Variants in PIK3C2G observed in about 807,000 individuals in gnomAD.
PIK3C2G encodes phosphatidylinositol 3-kinase C2 domain-containing subunit gamma.
Under a neutral mutation model 181.1 loss-of-function variants are expected in PIK3C2G, and 168 were observed. That is an observed-to-expected ratio of 0.93 (90% CI 0.82 to 1.05). The LOEUF (loss-of-function observed/expected upper bound fraction) is 1.05, where lower values mean the gene tolerates loss of function less well. Among genes scored for constraint, PIK3C2G ranks in the 50% least tolerant of loss-of-function variants. The pLI is 0.00. For missense variants in PIK3C2G, 1,869 were observed against 1,732.8 expected, an observed-to-expected ratio of 1.08 and a Z score of -1.40; for synonymous variants, 573 against 592.2, an observed-to-expected ratio of 0.97 and a Z score of 0.47.
At chr12:18,479,986 G>A (rs1455311088) in intron 18 of PIK3C2G, among the ~76,000 whole-genome samples, 1 of 152,172 alleles carries the variant, frequency 6.6e-6, no homozygotes, top group Non-Finnish European at 1.5e-5. Context: ...TTCAGCTGGA[G>A]TGGGAAGGAC....
At chr12:18,314,896 T>C (rs895910383) in intron 6 of PIK3C2G, among the ~76,000 whole-genome samples, 2 of 152,224 alleles carry the variant, frequency 1.3e-5, no homozygotes, top group Non-Finnish European at 1.5e-5. Context: ...TTTCATAATA[T>C]ATATAATAAA....
chr12:18,363,009 G>T, intron 12 of PIK3C2G, 123 bp downstream of exon 12: 1 of 676,400 alleles, frequency 1.5e-6, no homozygotes, highest in South Asian at 2.2e-5. Flanking sequence ...TGATTCAGTG[G>T]TATGATAAGT....
At chr12:18,353,335 T>A (rs769803807) in intron 11 of PIK3C2G, among the ~76,000 whole-genome samples, 2 of 152,002 alleles carry the variant, frequency 1.3e-5, no homozygotes, top group Non-Finnish European at 2.9e-5. Context: ...AGCCCAAGTT[T>A]TACAAGGTTA....
intron 1 of PIK3C2G, among the ~76,000 whole-genome samples, chr12:18,265,839 C>T (rs112807896): frequency 0.019 from 2,814 of 151,668 alleles, 96 homozygotes; most frequent in African/African-American, 0.064. Flanking sequence ...CATGATGAAA[C>T]CTCATCTCTA....
the PIK3C2G span, among the ~76,000 whole-genome samples, chr12:18,687,082 C>T: frequency 6.6e-6 from 1 of 152,038 alleles, no homozygotes; most frequent in Admixed American, 6.6e-5. Context: ...AGCAATGTGC[C>T]TTCAACTCTA....
At chr12:18,725,039 G>A in the PIK3C2G span, among the ~76,000 whole-genome samples, 1 of 152,062 alleles carries the variant, frequency 6.6e-6, no homozygotes, top group Non-Finnish European at 1.5e-5. Context: ...AAGAATTGGA[G>A]ATATAAGTCC....
At chr12:18,681,463 C>T in the PIK3C2G span, among the ~76,000 whole-genome samples, 5 of 152,176 alleles carry the variant, frequency 3.3e-5, no homozygotes, top group East Asian at 9.7e-4. Context: ...CTTCTCACAA[C>T]ATTCCCAACC....
chr12:18,608,063 G>A (rs547687138), intron 30 of PIK3C2G, among the ~76,000 whole-genome samples: 1 of 152,046 alleles, frequency 6.6e-6, no homozygotes, highest in Non-Finnish European at 1.5e-5. Context: ...AGGATGTGGA[G>A]GATGTGGAGG....
At chr12:18,398,966 C>A (rs1030258524) in intron 15 of PIK3C2G, among the ~76,000 whole-genome samples, 5 of 151,830 alleles carry the variant, frequency 3.3e-5, no homozygotes. Context: ...GAGGCCGAGG[C>A]GGGCGGATCA....
chr12:18,685,448 T>C, the PIK3C2G span: 1 of 205,326 alleles, frequency 4.9e-6, no homozygotes. Context: ...ACAAAGGCAA[T>C]GCTACACTTG....
chr12:18,596,409 C>A (rs79720165), intron 30 of PIK3C2G, among the ~76,000 whole-genome samples: 1 of 152,042 alleles, frequency 6.6e-6, no homozygotes, highest in Non-Finnish European at 1.5e-5. Context: ...AGTGTATATT[C>A]TTTAACTCTC....
chr12:18,327,768 G>C (rs1951413334), intron 8 of PIK3C2G, among the ~76,000 whole-genome samples: 1 of 151,840 alleles, frequency 6.6e-6, no homozygotes, highest in African/African-American at 2.4e-5. Context: ...TCCCCCCCAA[G>C]GTATCACTGA....
intron 1 of PIK3C2G, among the ~76,000 whole-genome samples, chr12:18,281,372 G>C (rs923223993): frequency 1.3e-5 from 2 of 150,546 alleles, no homozygotes; most frequent in South Asian, 4.2e-4. Flanking sequence ...GAAATTTTAA[G>C]TATGGTGAAC....
intron 30 of PIK3C2G, chr12:18,607,294 T>G: frequency 2.5e-6 from 1 of 408,026 alleles, no homozygotes; most frequent in South Asian, 1.8e-5. Flanking sequence ...AACATACGAA[T>G]GAAAGTATAG....
chr12:18,683,355 A>G, the PIK3C2G span: 2 of 1,597,862 alleles, frequency 1.3e-6, no homozygotes, highest in African/African-American at 1.3e-5. Flanking sequence ...AATTAGACCA[A>G]TAACCAATTA....
chr12:18,643,762 C>G (rs1294472034), intron 32 of PIK3C2G, among the ~76,000 whole-genome samples: 1 of 151,884 alleles, frequency 6.6e-6, no homozygotes, highest in African/African-American at 2.4e-5. Flanking sequence ...CTAGAGAGCC[C>G]AGTGAGTTAT....
At chr12:18,692,915 C>G in the PIK3C2G span, 1 of 1,592,036 alleles carries the variant, frequency 6.3e-7, no homozygotes, top group Non-Finnish European at 8.6e-7. Context: ...CAGATGCTGC[C>G]AGCAAACTGC....
At chr12:18,618,278 A>AG (rs1336855767) in intron 31 of PIK3C2G, among the ~76,000 whole-genome samples, 1 of 152,158 alleles carries the variant, frequency 6.6e-6, no homozygotes, top group Non-Finnish European at 1.5e-5. Flanking sequence ...CAGAGACTAT[A>AG]GGAAAGTCCC....
intron 5 of PIK3C2G, among the ~76,000 whole-genome samples, chr12:18,305,014 TAATA>T (rs968565643): frequency 2.0e-4 from 31 of 152,220 alleles, no homozygotes; most frequent in African/African-American, 6.3e-4. Context: ...TGTGTTCTGT[TAATA>T]AATCATTCAA....
Sources: gnomAD v4.1 joint callset for allele counts (sites outside exome capture counted in the v4.1 genomes callset) on GRCh38, gnomAD v4.1.1 for gene constraint, MANE v1.5 for transcripts, NCBI Gene and HGNC (gene_info 2026-07-23, HGNC 2026-07-21) for gene names.